The following NME7 variants were observed in gnomAD, a reference collection of about 807,000 sequenced individuals.
NME7 encodes the protein nucleoside diphosphate kinase 7.
In NME7, 41 loss-of-function variants were observed where a neutral mutation model predicts 49.1. That is an observed-to-expected ratio of 0.83 (90% CI 0.65 to 1.08). The LOEUF (loss-of-function observed/expected upper bound fraction) is 1.08, where lower values mean the gene tolerates loss of function less well. NME7 is among the 50% of genes least tolerant of loss of function. The pLI is 0.00. For missense variants in NME7, 423 were observed against 463.4 expected (o/e 0.91, Z 0.80); for synonymous variants, 139 against 150.6 (o/e 0.92, Z 0.56).
intron 1 of NME7, among the ~76,000 whole-genome samples, chr1:169,364,011 G>GA (rs1219495815): frequency 1.3e-5 from 2 of 152,208 alleles, no homozygotes; most frequent in Non-Finnish European, 2.9e-5. Context: ...TCTAACTATT[G>GA]AAATTCTATT....
chr1:169,365,150 A>C (rs1653805149), intron 1 of NME7, among the ~76,000 whole-genome samples: 1 of 152,184 alleles, frequency 6.6e-6, no homozygotes, highest in South Asian at 2.1e-4. Flanking sequence ...CAACTGACTC[A>C]GCACAGGAAG....
intron 11 of NME7, among the ~76,000 whole-genome samples, chr1:169,152,324 GT>G (rs1183822686): frequency 5.9e-5 from 9 of 152,050 alleles, no homozygotes; most frequent in Admixed American, 5.9e-4. Context: ...GCTCTCTGAG[GT>G]AAGTACTATT....
At chr1:169,350,583 A>C (rs749006271) in intron 1 of NME7, among the ~76,000 whole-genome samples, 4 of 151,666 alleles carry the variant, frequency 2.6e-5, no homozygotes, top group Non-Finnish European at 5.9e-5. Flanking sequence ...CTCCCTCTTT[A>C]TTGGTCCTGG....
chr1:169,234,722 G>A (rs1647786875), intron 9 of NME7, among the ~76,000 whole-genome samples: 1 of 152,076 alleles, frequency 6.6e-6, no homozygotes, highest in South Asian at 2.1e-4. Context: ...ACTCTACAGA[G>A]GGGGAAGAAA....
rs567499849 is a variant in NME7, at chr1:169,199,293, C to T, written c.991-29739G>A. ...TACATAAATTATCTCACTTATTCTT[C>T]ACAATAATAATTCCATGAGGTAGAT... On this transcript the variant is annotated intron_variant, in intron 10 of 11. Transcript: ENST00000367811. 9.2e-5 allele frequency among the ~76,000 whole-genome samples: 14 copies of T among 151,868 alleles called. No homozygotes were observed. The South Asian group carries it at 2.5e-3, about 27-fold the overall frequency.
chr1:169,200,828 C>A (rs1043776414), intron 10 of NME7, among the ~76,000 whole-genome samples: 1 of 152,208 alleles, frequency 6.6e-6, no homozygotes, highest in African/African-American at 2.4e-5. Flanking sequence ...TGTGGCCCTG[C>A]ATGTGCAGTG....
intron 11 of NME7, among the ~76,000 whole-genome samples, chr1:169,144,416 G>T (rs1057128044): frequency 6.6e-6 from 1 of 151,722 alleles, no homozygotes; most frequent in Non-Finnish European, 1.5e-5. Context: ...TCTATGTTTT[G>T]TTTTTTTTAA....
chr1:169,189,403 T>A (rs992879057), intron 10 of NME7, among the ~76,000 whole-genome samples: 19 of 152,198 alleles, frequency 1.2e-4, no homozygotes, highest in African/African-American at 4.3e-4. Flanking sequence ...AAATTTTTGC[T>A]TTATTCAATA....
chr1:169,141,142 G>GA (rs965101650), intron 11 of NME7, among the ~76,000 whole-genome samples: 24 of 150,612 alleles, frequency 1.6e-4, no homozygotes, highest in African/African-American at 4.6e-4. Flanking sequence ...TCTGGATGAA[G>GA]AAAAAAAAAG....
intron 10 of NME7, among the ~76,000 whole-genome samples, chr1:169,184,744 G>A (rs1291278319): frequency 6.6e-6 from 1 of 151,368 alleles, no homozygotes; most frequent in Admixed American, 6.6e-5. Context: ...TATTCTAAAT[G>A]GTCACAGTCT....
chr1:169,366,129 G>A (rs1653842982), intron 1 of NME7, among the ~76,000 whole-genome samples: 1 of 152,174 alleles, frequency 6.6e-6, no homozygotes, highest in South Asian at 2.1e-4. Flanking sequence ...CAAGGAAAAT[G>A]TCTAGACTAA....
At chr1:169,153,668 ATT>A (rs11295689) in intron 11 of NME7, among the ~76,000 whole-genome samples, 4 of 151,258 alleles carry the variant, frequency 2.6e-5, no homozygotes, top group African/African-American at 4.9e-5. Flanking sequence ...TTAATTTTAC[ATT>A]TTTTTTTATC....
intron 7 of NME7, among the ~76,000 whole-genome samples, chr1:169,243,266 T>C (rs1274452464): frequency 6.6e-6 from 1 of 152,086 alleles, no homozygotes; most frequent in Non-Finnish European, 1.5e-5. Flanking sequence ...TTTACAAAAG[T>C]GCAAAAGCAA....
chr1:169,280,178 C>T (rs12731520), intron 7 of NME7, among the ~76,000 whole-genome samples: 37,265 of 152,140 alleles, frequency 0.24, 5,539 homozygotes, highest in Non-Finnish European at 0.34. Flanking sequence ...GATGGTATCT[C>T]ATTGTAATTT....
chr1:169,281,169 C>T (rs947839966), intron 7 of NME7, among the ~76,000 whole-genome samples: 29 of 152,154 alleles, frequency 1.9e-4, no homozygotes, highest in Non-Finnish European at 3.7e-4. Context: ...AGAGGTCCTT[C>T]ATATCCCTTG....
intron 7 of NME7, among the ~76,000 whole-genome samples, chr1:169,257,443 C>T (rs1649001189): frequency 7.5e-6 from 1 of 133,694 alleles, no homozygotes; most frequent in African/African-American, 2.5e-5. Flanking sequence ...TACGCGCACC[C>T]ACTGACCTGC....
chr1:169,322,962 A>AT (rs1462184446), intron 3 of NME7, among the ~76,000 whole-genome samples, 155 bp downstream of exon 3: 2 of 151,620 alleles, frequency 1.3e-5, no homozygotes, highest in African/African-American at 2.4e-5. Context: ...GGTATTATCA[A>AT]TTTTTTTTTA....
intron 7 of NME7, among the ~76,000 whole-genome samples, chr1:169,277,931 C>A (rs1649811792): frequency 7.1e-6 from 1 of 141,052 alleles, no homozygotes. Flanking sequence ...TATTTTATTT[C>A]TCCTTCGCTT....
intron 11 of NME7, among the ~76,000 whole-genome samples, chr1:169,145,678 C>A (rs1658726496): frequency 6.6e-6 from 1 of 152,052 alleles, no homozygotes; most frequent in Admixed American, 6.6e-5. Context: ...TGTAAGATGA[C>A]AAGGTCAGTA....
Sources: allele counts gnomAD v4.1 joint callset (sites outside exome capture counted in the v4.1 genomes callset), GRCh38; gene constraint gnomAD v4.1.1; transcripts MANE v1.5; gene names NCBI Gene and HGNC (gene_info 2026-07-23, HGNC 2026-07-21).